The following VRK2 variants were observed in gnomAD, a reference collection of about 807,000 sequenced individuals.
The protein encoded by VRK2 is VRK serine/threonine kinase 2, also known as serine/threonine-protein kinase VRK2.
In VRK2, 60 loss-of-function variants were observed where a neutral mutation model predicts 57.6. That is an observed-to-expected ratio of 1.04 (90% CI 0.85 to 1.29). VRK2 has a LOEUF of 1.29. Among genes scored for constraint, VRK2 ranks in the 50% most tolerant of loss-of-function variants. The pLI is 0.00. For missense variants in VRK2, 705 were observed against 588.1 expected (o/e 1.20, Z -2.06); for synonymous variants, 231 against 199.2 (o/e 1.16, Z -1.35).
intron 1 of VRK2, among the ~76,000 whole-genome samples, chr2:58,047,850 A>G (rs1675089776): frequency 6.6e-6 from 1 of 152,252 alleles, no homozygotes; most frequent in African/African-American, 2.4e-5. Context: ...AAACCCGTTA[A>G]AGGAAAAACA....
At chr2:57,950,899 C>T (rs1283473074) in intron 1 of VRK2, among the ~76,000 whole-genome samples, 1 of 152,082 alleles carries the variant, frequency 6.6e-6, no homozygotes, top group Non-Finnish European at 1.5e-5. Context: ...CAAGACCATC[C>T]TGGCCAACAT....
chr2:57,908,623 A>G (rs1158598046), intron 1 of VRK2, among the ~76,000 whole-genome samples: 3 of 152,168 alleles, frequency 2.0e-5, no homozygotes, highest in Non-Finnish European at 4.4e-5. Flanking sequence ...AGGCATCCAC[A>G]CTACCATATT....
In VRK2 at chr2:58,054,833, C is replaced by A. The variant is rs139529664; in HGVS notation, c.136+5866C>A. Among the ~76,000 whole-genome samples the A allele has an allele frequency of 3.6e-3, 543 of 152,154 alleles. 3 individuals are homozygous for A. Among genetic ancestry groups the A allele is most frequent in the Admixed American group, 0.011 (168 of 15,282 alleles). ...TAGCTCCATCACATGGACTGTTATTCCTGAACACTCTGTTGTATTCTCCAT... is the reference window on the plus strand; with the variant it reads ...TAGCTCCATCACATGGACTGTTATTACTGAACACTCTGTTGTATTCTCCAT... On this transcript the variant is annotated intron_variant, in intron 2 of 12. Coordinates refer to ENST00000340157, the MANE Select transcript of VRK2 (RefSeq NM_006296.7).
intron 11 of VRK2, among the ~76,000 whole-genome samples, chr2:58,140,607 C>T (rs1168666051): frequency 4.6e-5 from 7 of 151,918 alleles, no homozygotes; most frequent in African/African-American, 1.2e-4. Context: ...GATCATCACA[C>T]GTGTTCATGA....
intron 7 of VRK2, among the ~76,000 whole-genome samples, chr2:58,091,375 C>G (rs1477253996): frequency 1.3e-5 from 2 of 152,032 alleles, no homozygotes; most frequent in Admixed American, 1.3e-4. Flanking sequence ...TTACCTAAAT[C>G]AAACCTAAAA....
intron 8 of VRK2, among the ~76,000 whole-genome samples, chr2:58,124,063 A>C (rs567255654): frequency 1.3e-5 from 2 of 152,272 alleles, no homozygotes; most frequent in East Asian, 3.9e-4. Context: ...TTTGCAGGTA[A>C]ATTACATACA....
At chr2:58,090,323 G>A (rs1672195838) in intron 7 of VRK2, among the ~76,000 whole-genome samples, 1 of 150,848 alleles carries the variant, frequency 6.6e-6, no homozygotes, top group Admixed American at 6.6e-5. Context: ...TTGAACCCAG[G>A]AGGCGGATGT....
chr2:58,034,790 C>CAA (rs79832463), intron 3 of VRK2, among the ~76,000 whole-genome samples: 1 of 141,780 alleles, frequency 7.1e-6, no homozygotes, highest in Admixed American at 7.0e-5. Context: ...AAACAAAAAA[C>CAA]AAAAAAAAAA....
chr2:58,084,025 A>G (rs371099662), intron 2 of VRK2, 64 bp from the exon 3 acceptor site: 2 of 1,555,122 alleles, frequency 1.3e-6, no homozygotes, highest in Non-Finnish European at 1.8e-6. Flanking sequence ...TGTTTGGGAT[A>G]TGGTAGGTAT....
intron 9 of VRK2, among the ~76,000 whole-genome samples, chr2:58,132,987 G>A (rs1039108968): frequency 6.6e-6 from 1 of 151,996 alleles, no homozygotes; most frequent in Non-Finnish European, 1.5e-5. Flanking sequence ...TTCGAAATAT[G>A]GGTCAAGTCA....
chr2:58,141,892 T>A (rs2104620761), intron 11 of VRK2, among the ~76,000 whole-genome samples: 1 of 152,100 alleles, frequency 6.6e-6, no homozygotes, highest in South Asian at 2.1e-4. Flanking sequence ...AAAATGCATA[T>A]CAATCACATG....
At chr2:58,101,552 A>G (rs1673964170) in intron 7 of VRK2, among the ~76,000 whole-genome samples, 1 of 151,728 alleles carries the variant, frequency 6.6e-6, no homozygotes, top group Non-Finnish European at 1.5e-5. Flanking sequence ...CAGATTAATT[A>G]TTCTAATTGT....
At chr2:57,926,474 G>GTA (rs200944615) in intron 1 of VRK2, among the ~76,000 whole-genome samples, 1 of 145,580 alleles carries the variant, frequency 6.9e-6, no homozygotes, top group African/African-American at 2.5e-5. Flanking sequence ...TGTGTATAGT[G>GTA]TATATATATA....
Position 58,121,159 on chromosome 2 carries a change from G to A in VRK2, c.544-1942G>A, listed in dbSNP as rs570568103. ...TCCAGATGAATAAAATGGAGATAAG[G>A]GGACTTACAGCATCAGCGGATGTAA... On this transcript the variant is annotated intron_variant, in intron 7 of 12. Transcript: ENST00000340157. 5.4e-4 allele frequency among the ~76,000 whole-genome samples: 82 copies of A among 152,258 alleles called. 2 individuals carry two copies. The highest frequency in any genetic ancestry group is 1.9e-3 in the African/African-American group (81 of 41,556).
At chr2:57,940,180 T>C (rs1671047685) in intron 1 of VRK2, among the ~76,000 whole-genome samples, 1 of 152,168 alleles carries the variant, frequency 6.6e-6, no homozygotes, top group Admixed American at 6.5e-5. Context: ...AGTCCCATGA[T>C]CTGCTATCTG....
At chr2:58,025,966 T>C (rs140028382) in intron 2 of VRK2, among the ~76,000 whole-genome samples, 3 of 152,186 alleles carry the variant, frequency 2.0e-5, no homozygotes, top group African/African-American at 7.2e-5. Flanking sequence ...TATAATGGTC[T>C]CTGTGATTTC....
chr2:58,027,384 T>C (rs965711558), intron 2 of VRK2, among the ~76,000 whole-genome samples: 2 of 152,178 alleles, frequency 1.3e-5, no homozygotes, highest in African/African-American at 2.4e-5. Flanking sequence ...AAGACTTCTA[T>C]GGAGTAGAAA....
rs759882735 is a variant in VRK2, at chr2:58,048,958, A to G, written c.127A>G (p.Ile43Val). The change falls in exon 2 of 13, where the codon ATA becomes GTA. Residue 43 changes from isoleucine to valine, a missense_variant. Coordinates refer to ENST00000340157, the MANE Select transcript of VRK2 (RefSeq NM_006296.7). ...KKIGSGGFGLIYLAFPTNKPE... is the reference protein window; with the variant it reads ...KKIGSGGFGLVYLAFPTNKPE... ...GATTGGCTCTGGAGGATTTGGATTGATATATTTAGGTAAAGTAAAACCTTA... is the reference window on the plus strand; with the variant it reads ...GATTGGCTCTGGAGGATTTGGATTGGTATATTTAGGTAAAGTAAAACCTTA... 3 of 1,612,892 alleles carry G rather than the reference A, an allele frequency of 1.9e-6. No homozygotes were observed. The highest frequency in any genetic ancestry group is 3.3e-4 in the Middle Eastern group (2 of 6,054).
At chr2:58,117,728 T>C (rs1676744476) in intron 7 of VRK2, among the ~76,000 whole-genome samples, 1 of 152,128 alleles carries the variant, frequency 6.6e-6, no homozygotes, top group Non-Finnish European at 1.5e-5. Context: ...GGAACTACTG[T>C]CAAGTTTGTA....
Sources: gnomAD v4.1 joint callset for allele counts (sites outside exome capture counted in the v4.1 genomes callset) on GRCh38, gnomAD v4.1.1 for gene constraint, MANE v1.5 for transcripts, NCBI Gene and HGNC (gene_info 2026-07-23, HGNC 2026-07-21) for gene names.